Variants in FSTL5 observed in about 807,000 individuals in gnomAD.
FSTL5 encodes follistatin like 5, also known as follistatin-related protein 5.
In FSTL5, 62 loss-of-function variants were observed where a neutral mutation model predicts 89.1. The ratio of observed to expected loss-of-function variants is 0.70; its 90% CI spans 0.57 to 0.86. FSTL5 has a LOEUF of 0.86. Ranked by LOEUF, FSTL5 falls within the 40% of genes least tolerant of loss-of-function variation. The pLI is 0.00. For synonymous variants in FSTL5, 383 were observed against 346.2 expected, an observed-to-expected ratio of 1.11 and a Z score of -1.18; for missense variants, 1,057 against 1,001.6, an observed-to-expected ratio of 1.06 and a Z score of -0.75.
At chr4:161,744,628 T>C (rs1740131305) in intron 6 of FSTL5, among the ~76,000 whole-genome samples, 1 of 152,106 alleles carries the variant, frequency 6.6e-6, no homozygotes, top group Admixed American at 6.6e-5. Flanking sequence ...TAATAGTCAC[T>C]AAAAGGAACT....
At chr4:161,717,483 A>G (rs1229240321) in intron 6 of FSTL5, among the ~76,000 whole-genome samples, 2 of 152,178 alleles carry the variant, frequency 1.3e-5, no homozygotes, top group Non-Finnish European at 2.9e-5. Context: ...ATTAAAAATC[A>G]TACCCCTTGC....
chr4:162,157,376 T>A (rs758153905), intron 1 of FSTL5, among the ~76,000 whole-genome samples: 4 of 152,216 alleles, frequency 2.6e-5, no homozygotes, highest in Non-Finnish European at 4.4e-5. Context: ...GTTTGTGCTG[T>A]CACCATGAAA....
rs931863430 is a variant in FSTL5, at chr4:161,955,412, G to A, written c.161-34760C>T. 2.6e-5 allele frequency among the ~76,000 whole-genome samples: 4 copies of A among 151,308 alleles called. No individual in the cohort carries two copies. In the East Asian group the frequency reaches 7.7e-4, roughly 29 times the overall value. ...GTGTATAATGTGAACAAAAAAAAAT[G>A]TTTTAAGTAAATCTTGTGCTAAATA... On this transcript the variant is annotated intron_variant, in intron 3 of 15. Coordinates refer to ENST00000306100, the MANE Select transcript of FSTL5 (RefSeq NM_020116.5).
chr4:162,161,252 T>G (rs1733684810), intron 1 of FSTL5, among the ~76,000 whole-genome samples: 2 of 151,894 alleles, frequency 1.3e-5, no homozygotes, highest in Admixed American at 6.6e-5. Context: ...GTCATTTCTT[T>G]GTGGATCAAA....
intron 4 of FSTL5, among the ~76,000 whole-genome samples, chr4:161,885,757 G>C (rs541680557): frequency 3.3e-5 from 5 of 152,216 alleles, no homozygotes; most frequent in African/African-American, 1.2e-4. Context: ...ACCCTGCATA[G>C]TGATTTCATT....
At position 161,452,302 on chromosome 4, in the gene FSTL5, T is replaced by C. The variant is rs182035722; in HGVS notation, c.1841+2702A>G. ...ACCAGCCTGACCAAGATGGTGAAAC[T>C]CCGTCTCTACTAAAAATACAAAAAT... On this transcript the variant is annotated intron_variant, in intron 15 of 15. Transcript: ENST00000306100. Among the ~76,000 whole-genome samples, 551 of 152,050 alleles carry C rather than the reference T, an allele frequency of 3.6e-3. 3 individuals carry two copies. Among genetic ancestry groups the C allele is most frequent in the African/African-American group, 0.012 (499 of 41,514 alleles).
At chr4:161,551,089 G>A (rs1560949612) in intron 8 of FSTL5, among the ~76,000 whole-genome samples, 1 of 152,018 alleles carries the variant, frequency 6.6e-6, no homozygotes, top group Admixed American at 6.6e-5. Flanking sequence ...AGTCCATTGA[G>A]TATATATCCA....
chr4:161,724,179 T>C (rs1411986918), intron 6 of FSTL5, among the ~76,000 whole-genome samples: 3 of 152,116 alleles, frequency 2.0e-5, no homozygotes, highest in Non-Finnish European at 4.4e-5. Context: ...AAAATGTTTC[T>C]GAATATTTAC....
intron 3 of FSTL5, among the ~76,000 whole-genome samples, chr4:161,940,955 T>C (rs1237058485): frequency 6.6e-6 from 1 of 151,772 alleles, no homozygotes; most frequent in Non-Finnish European, 1.5e-5. Context: ...CAAAACCCAA[T>C]AATTTTAAAT....
intron 5 of FSTL5, among the ~76,000 whole-genome samples, chr4:161,764,745 G>T (rs1389318731): frequency 6.6e-6 from 1 of 151,966 alleles, no homozygotes; most frequent in Non-Finnish European, 1.5e-5. Flanking sequence ...TATTTTTAAG[G>T]TATCCTACAT....
chr4:161,500,857 A>G (rs1730268468), intron 11 of FSTL5, among the ~76,000 whole-genome samples: 1 of 152,108 alleles, frequency 6.6e-6, no homozygotes, highest in African/African-American at 2.4e-5. Flanking sequence ...TGGGTGCAGG[A>G]GGCTAGTTTG....
At chr4:162,022,846 C>T (rs1436046020) in intron 3 of FSTL5, 6 of 152,078 alleles carry the variant, frequency 3.9e-5, no homozygotes, top group Admixed American at 3.9e-4. Context: ...ATCACATATT[C>T]TCACTCCTAA....
intron 12 of FSTL5, among the ~76,000 whole-genome samples, chr4:161,493,401 C>A (rs1258570450): frequency 2.0e-5 from 3 of 151,458 alleles, no homozygotes; most frequent in Non-Finnish European, 4.4e-5. Context: ...TGGAACTAGA[C>A]ATAGGGGGAC....
At chr4:161,998,818 G>A (rs915218769) in intron 3 of FSTL5, among the ~76,000 whole-genome samples, 2 of 151,118 alleles carry the variant, frequency 1.3e-5, no homozygotes, top group African/African-American at 2.4e-5. Context: ...TCATCTATTT[G>A]CCTTTGTTTT....
intron 5 of FSTL5, among the ~76,000 whole-genome samples, chr4:161,762,037 T>C (rs555144820): frequency 2.6e-5 from 4 of 152,158 alleles, no homozygotes; most frequent in Non-Finnish European, 4.4e-5. Context: ...TTCACATCTT[T>C]ATTGAGGTAT....
At position 161,888,655 on chromosome 4, in the gene FSTL5, G is replaced by T. The variant is rs778181068; in HGVS notation, c.409+31749C>A. 3.3e-5 allele frequency among the ~76,000 whole-genome samples: 5 copies of T among 152,120 alleles called. No homozygotes were observed. The East Asian group carries it at 9.7e-4, about 29-fold the overall frequency. ...ATAATGAATATTCTAGTGGTAATGG[G>T]TGATAAGAACTTGAAATTATATTTA... is the stretch of plus-strand genomic sequence containing the variant. On this transcript the variant is annotated intron_variant, in intron 4 of 15. Transcript: ENST00000306100.
chr4:161,717,126 C>A (rs1282967399), intron 6 of FSTL5, among the ~76,000 whole-genome samples: 1 of 152,122 alleles, frequency 6.6e-6, no homozygotes, highest in Admixed American at 6.5e-5. Flanking sequence ...GTTTAAGACA[C>A]AAATGTACTG....
At chr4:162,013,653 A>G (rs2111137026) in intron 3 of FSTL5, among the ~76,000 whole-genome samples, 1 of 152,268 alleles carries the variant, frequency 6.6e-6, no homozygotes, top group South Asian at 2.1e-4. Flanking sequence ...ACAGGTTGGG[A>G]TCATGGCACA....
At chr4:162,018,618 G>T (rs1263054551) in intron 3 of FSTL5, among the ~76,000 whole-genome samples, 1 of 147,996 alleles carries the variant, frequency 6.8e-6, no homozygotes, top group Non-Finnish European at 1.5e-5. Flanking sequence ...CATAATATTT[G>T]TGTTTTGTGT....
Sources: gnomAD v4.1 joint callset for allele counts (sites outside exome capture counted in the v4.1 genomes callset) on GRCh38, gnomAD v4.1.1 for gene constraint, MANE v1.5 for transcripts, NCBI Gene and HGNC (gene_info 2026-07-23, HGNC 2026-07-21) for gene names.